The following AP2B1 variants were observed in gnomAD, a reference collection of about 807,000 sequenced individuals.
AP2B1 encodes the protein adaptor related protein complex 2 subunit beta 1.
AP2B1 carries 23 observed loss-of-function variants against 102.0 expected under a neutral mutation model. That is an observed-to-expected ratio of 0.23 (90% confidence interval 0.16 to 0.32). The LOEUF is 0.32. Ranked by LOEUF, AP2B1 falls within the 10% of genes least tolerant of loss-of-function variation. AP2B1 has a pLI of 1.00. For synonymous variants in AP2B1, 381 were observed against 421.2 expected, an observed-to-expected ratio of 0.90 and a Z score of 1.17; for missense variants, 541 against 1,157.4, an observed-to-expected ratio of 0.47 and a Z score of 7.73.
At chr17:35,644,861 A>G (rs2074882527) in intron 12 of AP2B1, among the ~76,000 whole-genome samples, 1 of 152,078 alleles carries the variant, frequency 6.6e-6, no homozygotes, top group Non-Finnish European at 1.5e-5. Context: ...GCAAAATCCC[A>G]TCTCTACAAA....
At chr17:35,704,903 C>T (rs914879927) in intron 18 of AP2B1, among the ~76,000 whole-genome samples, 1 of 152,006 alleles carries the variant, frequency 6.6e-6, no homozygotes, top group South Asian at 2.1e-4. Flanking sequence ...TGGTGGCACA[C>T]GCCTGTAATC....
In AP2B1 at chr17:35,587,343, C is replaced by G. The variant is rs900515244; in HGVS notation, c.-109C>G. The G allele has an allele frequency of 2.0e-5, 3 of 152,382 alleles. No homozygotes were observed. Among genetic ancestry groups the G allele is most frequent in the African/African-American group, 4.8e-5 (2 of 41,462 alleles). The allele number at this position is 152,382 out of a possible 1,614,324, so 9.4% of individuals were successfully genotyped here. ...GCTTAGACCTAGAAAAGAATCGTGA[C>G]GGGCAGGAAACCATTACACCACCAC... On this transcript the variant is annotated 5_prime_UTR_variant, in exon 1 of 22. Coordinates refer to ENST00000610402, the MANE Select transcript of AP2B1 (RefSeq NM_001030006.2).
intron 14 of AP2B1, among the ~76,000 whole-genome samples, chr17:35,668,136 C>T (rs1250337805): frequency 6.6e-6 from 1 of 151,980 alleles, no homozygotes; most frequent in Non-Finnish European, 1.5e-5. Context: ...CGGGTTTCAC[C>T]ATATTGGTCA....
At chr17:35,658,178 A>G (rs757461536) in intron 14 of AP2B1, among the ~76,000 whole-genome samples, 2 of 152,120 alleles carry the variant, frequency 1.3e-5, no homozygotes, top group Admixed American at 6.5e-5. Flanking sequence ...CCTCACACAA[A>G]TCATCCTATT....
At chr17:35,604,565 C>CTGGCTAA (rs1164027593) in intron 3 of AP2B1, among the ~76,000 whole-genome samples, 1 of 102,854 alleles carries the variant, frequency 9.7e-6, no homozygotes, top group East Asian at 2.9e-4. Context: ...CGGGACTAGC[C>CTGGCTAA]TGGCTAACAT....
At chr17:35,675,643 T>C (rs1257335775) in intron 17 of AP2B1, among the ~76,000 whole-genome samples, 1 of 151,852 alleles carries the variant, frequency 6.6e-6, no homozygotes, top group Non-Finnish European at 1.5e-5. Flanking sequence ...CTTTTTTTTT[T>C]TTTGTGGGGG....
chr17:35,636,025 C>T (rs1053650520), intron 9 of AP2B1, among the ~76,000 whole-genome samples: 2 of 151,046 alleles, frequency 1.3e-5, no homozygotes, highest in East Asian at 2.0e-4. Flanking sequence ...AAAAGCAGTA[C>T]GGTTGAGATG....
chr17:35,656,798 T>G (rs1458291854), intron 13 of AP2B1, among the ~76,000 whole-genome samples: 1 of 146,518 alleles, frequency 6.8e-6, no homozygotes, highest in East Asian at 2.1e-4. Flanking sequence ...GGCAGGAGAA[T>G]GGCGTGAACC....
At chr17:35,608,472 G>A (rs759335221) in intron 5 of AP2B1, 85 bp downstream of exon 5, 1 of 1,496,460 alleles carries the variant, frequency 6.7e-7, no homozygotes, top group Non-Finnish European at 9.2e-7. Context: ...CTTGTCTTTG[G>A]AATACTGGGT....
intron 14 of AP2B1, among the ~76,000 whole-genome samples, chr17:35,668,553 G>A (rs2075519560): frequency 6.6e-6 from 1 of 152,120 alleles, no homozygotes; most frequent in Non-Finnish European, 1.5e-5. Context: ...ATAGTTATTA[G>A]TATTCTTAGA....
chr17:35,604,047 A>G (rs1273193840), intron 3 of AP2B1, among the ~76,000 whole-genome samples: 2 of 152,086 alleles, frequency 1.3e-5, no homozygotes, highest in East Asian at 2.0e-4. Flanking sequence ...CACCCACCCA[A>G]TGAGAGAAAC....
intron 21 of AP2B1, among the ~76,000 whole-genome samples, chr17:35,720,573 ATTTTTTTT>A (rs1208973388): frequency 0.051 from 1,419 of 27,672 alleles, 15 homozygotes; most frequent in Non-Finnish European, 0.067. Context: ...ATATATATAT[ATTTTTTTT>A]TTTTTTTTTT....
intron 6 of AP2B1, among the ~76,000 whole-genome samples, 198 bp from the exon 7 acceptor site, chr17:35,626,423 G>C (rs1354145124): frequency 6.6e-6 from 1 of 152,040 alleles, no homozygotes; most frequent in Non-Finnish European, 1.5e-5. Flanking sequence ...TTATGTCCCT[G>C]CTCTGCCTGT....
At chr17:35,683,587 G>T (rs113548645) in intron 18 of AP2B1, among the ~76,000 whole-genome samples, 3 of 152,106 alleles carry the variant, frequency 2.0e-5, no homozygotes, top group African/African-American at 7.2e-5. Flanking sequence ...TGAAAATGTC[G>T]AATTTTTTAG....
chr17:35,666,895 T>C (rs2075479249), intron 14 of AP2B1, among the ~76,000 whole-genome samples: 1 of 152,176 alleles, frequency 6.6e-6, no homozygotes, highest in South Asian at 2.1e-4. Context: ...CAGCACTTCA[T>C]GAGGCTGAGG....
At chr17:35,605,578 AGTTACCACT>A in intron 3 of AP2B1, 118 bp from the exon 4 acceptor site, 1 of 729,228 alleles carries the variant, frequency 1.4e-6, no homozygotes, top group Non-Finnish European at 2.3e-6. Context: ...TTTCTGTGAC[AGTTACCACT>A]GTGGGGACAT....
chr17:35,671,215 A>G (rs1280986628), intron 15 of AP2B1, among the ~76,000 whole-genome samples: 1 of 152,196 alleles, frequency 6.6e-6, no homozygotes, highest in Admixed American at 6.5e-5. Context: ...TGTCACCTAG[A>G]AAGAACTTGA....
At chr17:35,625,454 T>C (rs529160791) in intron 6 of AP2B1, among the ~76,000 whole-genome samples, 18 of 152,282 alleles carry the variant, frequency 1.2e-4, no homozygotes, top group African/African-American at 4.3e-4. Flanking sequence ...GAAATAACTT[T>C]ACTGAGAATT....
intron 18 of AP2B1, among the ~76,000 whole-genome samples, chr17:35,690,365 A>G (rs139461618): frequency 5.3e-4 from 80 of 152,318 alleles, no homozygotes; most frequent in African/African-American, 1.8e-3. Flanking sequence ...TCTACGATAG[A>G]AAGGCTTTCT....
Sources: gnomAD v4.1 joint callset for allele counts (sites outside exome capture counted in the v4.1 genomes callset) on GRCh38, gnomAD v4.1.1 for gene constraint, MANE v1.5 for transcripts, NCBI Gene and HGNC (gene_info 2026-07-23, HGNC 2026-07-21) for gene names.